RBM41: variants seen among roughly 807,000 people sequenced by gnomAD.
RBM41 encodes the protein RNA-binding protein 41.
In RBM41, 14 loss-of-function variants were observed where a neutral mutation model predicts 30.8. The ratio of observed to expected loss-of-function variants is 0.45; its 90% CI spans 0.30 to 0.71. The LOEUF is 0.71. RBM41 is among the 30% of genes least tolerant of loss of function. The pLI, the probability that RBM41 is intolerant of heterozygous loss-of-function variation, is 0.08. For synonymous variants in RBM41, 120 were observed against 110.1 expected (o/e 1.09, Z -0.56); for missense variants, 276 against 326.3 (o/e 0.85, Z 1.19).
Position 107,067,713 on chromosome X carries a change from T to A in RBM41, c.1148-20A>T. 1.7e-6 allele frequency: 2 copies of A among 1,182,913 alleles called. No homozygotes were observed. The highest frequency in any genetic ancestry group is 2.3e-6 in the Non-Finnish European group (2 of 883,231). On this transcript the variant is annotated intron_variant, in intron 7 of 7. Coordinates refer to ENST00000685964, the MANE Select transcript of RBM41 (RefSeq NM_001324242.2). ...CCTTATCTAAAAGAGAAAGAAAAAATTTCAATTTACATAGGACTTAATAAT... is the reference window on the plus strand; with the variant it reads ...CCTTATCTAAAAGAGAAAGAAAAAAATTCAATTTACATAGGACTTAATAAT...
chrX:107,116,749 T>C lies in RBM41; in HGVS notation c.26A>G (p.Lys9Arg). Reference sequence around the variant, plus strand: ...CTCCTCCAGGACATGCTCATCACTCTTCACACAGCTGTTTACCCTGGAGTA... The same window carrying C: ...CTCCTCCAGGACATGCTCATCACTCCTCACACAGCTGTTTACCCTGGAGTA... MKRVNSCV[K>R]SDEHVLEELE... Residue 9 changes from lysine (K) to arginine (R), a missense_variant, in exon 2 of 8, where the codon AAG becomes AGG. Transcript: ENST00000685964. The C allele has an allele frequency of 8.3e-7, 1 of 1,210,386 alleles. No homozygotes were observed.
chrX:107,112,755 T>C, intron 5 of RBM41: 1 of 290,606 alleles, frequency 3.4e-6, no homozygotes, highest in African/African-American at 2.7e-5. Flanking sequence ...AAAGGCATTA[T>C]GCTGAGTGAA....
chrX:107,115,162 T>C (rs1924790895), intron 4 of RBM41, 190 bp downstream of exon 4: 15 of 455,506 alleles, frequency 3.3e-5, no homozygotes, highest in Non-Finnish European at 5.2e-5. Flanking sequence ...ATCTCTATAA[T>C]AGCAGTTTCC....
intron 5 of RBM41, among the ~76,000 whole-genome samples, chrX:107,099,112 G>A (rs1923231229): frequency 9.0e-6 from 1 of 111,430 alleles, no homozygotes; most frequent in Admixed American, 9.5e-5. Context: ...ATACCATAAA[G>A]GCAGTGAAAT....
downstream of RBM41, among the ~76,000 whole-genome samples, chrX:107,061,333 C>T (rs1405306060): frequency 8.9e-6 from 1 of 112,083 alleles, no homozygotes; most frequent in African/African-American, 3.2e-5. Flanking sequence ...ATTTTTACAA[C>T]TTTTCTATAA....
At chrX:107,113,913 A>C (rs1335892183) in intron 4 of RBM41, among the ~76,000 whole-genome samples, 1 of 111,549 alleles carries the variant, frequency 9.0e-6, no homozygotes, top group African/African-American at 3.3e-5. Context: ...TCCCAGTTCT[A>C]TATATCTAGT....
At position 107,062,086 on chromosome X, in the gene RBM41, T is replaced by C. The variant is rs1357604073; in HGVS notation, c.*5441A>G. On this transcript the variant is annotated 3_prime_UTR_variant, in exon 8 of 8. Coordinates refer to ENST00000685964, the MANE Select transcript of RBM41 (RefSeq NM_001324242.2). ...CAAGGAGCATTCCAACCTTAACCCC[T>C]GACATCCACTGAAGTTTTTTCTCCA... Among the ~76,000 whole-genome samples, 2 of 112,030 alleles carry C rather than the reference T, an allele frequency of 1.8e-5. No individual in the cohort carries two copies. Among genetic ancestry groups the C allele is most frequent in the African/African-American group, 6.5e-5 (2 of 30,859 alleles).
intron 5 of RBM41, among the ~76,000 whole-genome samples, chrX:107,112,298 A>G (rs1173727620): frequency 8.9e-6 from 1 of 111,834 alleles, no homozygotes; most frequent in East Asian, 2.8e-4. Flanking sequence ...CAACATCATT[A>G]GCCATTAAAG....
Position 107,062,551 on chromosome X carries a change from G to A in RBM41, c.*4976C>T, listed in dbSNP as rs1178378685. On this transcript the variant is annotated 3_prime_UTR_variant, in exon 8 of 8. Coordinates refer to ENST00000685964, the MANE Select transcript of RBM41 (RefSeq NM_001324242.2). ...TCAAAGGAATAGGAGTTTGTCCTGA[G>A]TATAGTCAGATGATATCCCCAGAGT... Among the ~76,000 whole-genome samples, 1 of 110,934 alleles carries A rather than the reference G, an allele frequency of 9.0e-6. No individual in the cohort carries two copies. The highest frequency in any genetic ancestry group is 1.9e-5 in the Non-Finnish European group (1 of 52,975).
chrX:107,102,680 A>G (rs767678346), intron 5 of RBM41, among the ~76,000 whole-genome samples: 1 of 111,556 alleles, frequency 9.0e-6, no homozygotes, highest in Non-Finnish European at 1.9e-5. Context: ...AAGGATGATT[A>G]CAAGAGCAAA....
At chrX:107,078,623 G>A (rs1237158906) in intron 6 of RBM41, among the ~76,000 whole-genome samples, 1 of 109,516 alleles carries the variant, frequency 9.1e-6, no homozygotes, top group African/African-American at 3.3e-5. Context: ...ATGATTTTAA[G>A]ATAATGATTT....
At chrX:107,104,643 A>T (rs754437128) in intron 5 of RBM41, among the ~76,000 whole-genome samples, 4 of 111,350 alleles carry the variant, frequency 3.6e-5, no homozygotes, top group African/African-American at 1.3e-4. Context: ...TTCTGCATCT[A>T]TTGAGATAAT....
At chrX:107,058,865 C>T (rs1935605472), downstream of RBM41, among the ~76,000 whole-genome samples, 2 of 111,229 alleles carry the variant, frequency 1.8e-5, no homozygotes, top group African/African-American at 6.6e-5. Flanking sequence ...CTCCCTGTAT[C>T]CTCACATGGC....
intron 6 of RBM41, among the ~76,000 whole-genome samples, chrX:107,083,250 C>G (rs1331101706): frequency 1.8e-5 from 2 of 110,362 alleles, no homozygotes; most frequent in African/African-American, 6.6e-5. Flanking sequence ...TCACACTACT[C>G]TCTTGCACAG....
In RBM41 at chrX:107,087,907, G is replaced by A. The variant is rs1922184956; in HGVS notation, c.999+529C>T. Among the ~76,000 whole-genome samples the A allele has an allele frequency of 2.7e-5, 3 of 112,116 alleles. No homozygotes were observed. In the South Asian group the frequency reaches 1.1e-3, roughly 42 times the overall value. The stretch of plus-strand genomic sequence containing the variant: ...ATGAGCCACCACACCTGGCCTTGTT[G>A]GACAATTTCTTAAAGCTTATAGGAC... On this transcript the variant is annotated intron_variant, in intron 6 of 7. Transcript: ENST00000685964.
intron 2 of RBM41, among the ~76,000 whole-genome samples, chrX:107,116,409 G>T: frequency 8.9e-6 from 1 of 112,046 alleles, no homozygotes. Context: ...GGTTACAAGT[G>T]CTATGTTAAG....
In RBM41 at chrX:107,065,535, T is replaced by C. The variant is rs774982458; in HGVS notation, c.*1992A>G. 11 of 296,261 alleles carry C rather than the reference T, an allele frequency of 3.7e-5. No individual in the cohort carries two copies. In the East Asian group the frequency reaches 5.5e-4, roughly 15 times the overall value. 24.4% of individuals were successfully genotyped at this position (296,261 alleles called of 1,213,427 possible). ...TTTGTGGTATTATTGTTATATATGT[T>C]ATTCCTATACATTACAAACCCAACA... On this transcript the variant is annotated 3_prime_UTR_variant, in exon 8 of 8. Coordinates refer to ENST00000685964, the MANE Select transcript of RBM41 (RefSeq NM_001324242.2).
chrX:107,099,531 A>G (rs1184802701), intron 5 of RBM41, among the ~76,000 whole-genome samples: 1 of 112,287 alleles, frequency 8.9e-6, no homozygotes, highest in Non-Finnish European at 1.9e-5. Flanking sequence ...CTAAATGGGC[A>G]AAAGAACTGA....
chrX:107,112,813 A>T, intron 5 of RBM41: 2 of 326,199 alleles, frequency 6.1e-6, no homozygotes, highest in Admixed American at 6.3e-5. Context: ...CATTTACATG[A>T]CATTTTCTAA....
Sources: allele counts gnomAD v4.1 joint callset (sites outside exome capture counted in the v4.1 genomes callset), GRCh38; gene constraint gnomAD v4.1.1; transcripts MANE v1.5; gene names NCBI Gene and HGNC (gene_info 2026-07-23, HGNC 2026-07-21).